The following RBBP4 variants were observed in gnomAD, a reference collection of about 807,000 sequenced individuals.
RBBP4 encodes the protein histone-binding protein RBBP4.
RBBP4 carries 3 observed loss-of-function variants against 57.2 expected under a neutral mutation model. That is an observed-to-expected ratio of 0.05 (90% CI 0.02 to 0.14). RBBP4 has a LOEUF of 0.14. Ranked by LOEUF, RBBP4 falls within the 10% of genes least tolerant of loss-of-function variation. The pLI is 1.00. For synonymous variants in RBBP4, 151 were observed against 171.5 expected, an observed-to-expected ratio of 0.88 and a Z score of 0.93; for missense variants, 107 against 520.6, an observed-to-expected ratio of 0.21 and a Z score of 7.73.
intron 11 of RBBP4, among the ~76,000 whole-genome samples, chr1:32,678,829 A>G (rs1649244080): frequency 6.7e-6 from 1 of 150,354 alleles, no homozygotes; most frequent in Non-Finnish European, 1.5e-5. Flanking sequence ...ACCTCAAGTG[A>G]TCTGTCTGCC....
chr1:32,668,022 A>T (rs372641325), intron 3 of RBBP4, among the ~76,000 whole-genome samples: 1 of 152,148 alleles, frequency 6.6e-6, no homozygotes, highest in East Asian at 1.9e-4. Flanking sequence ...TGGAGAGCTG[A>T]CTGTATTTCT....
chr1:32,667,769 GAA>G (rs1377828849), intron 3 of RBBP4, among the ~76,000 whole-genome samples: 1 of 152,184 alleles, frequency 6.6e-6, no homozygotes, highest in African/African-American at 2.4e-5. Flanking sequence ...CACAGATGCT[GAA>G]GTCTCTGATA....
At chr1:32,656,416 C>T (rs146129745) in intron 2 of RBBP4, among the ~76,000 whole-genome samples, 10,923 of 152,002 alleles carry the variant, frequency 0.072, 1,292 homozygotes, top group African/African-American at 0.25. Context: ...GCAGTGGCAC[C>T]GTCTTGGCTC....
chr1:32,657,237 C>T (rs1648183845), intron 2 of RBBP4, among the ~76,000 whole-genome samples, 190 bp from the exon 3 acceptor site: 1 of 152,140 alleles, frequency 6.6e-6, no homozygotes, highest in Non-Finnish European at 1.5e-5. Flanking sequence ...GATCGCACCA[C>T]TCCATTCTAG....
intron 2 of RBBP4, 78 bp from the exon 3 acceptor site, chr1:32,657,349 T>G: frequency 7.2e-7 from 1 of 1,393,670 alleles, no homozygotes; most frequent in Non-Finnish European, 9.9e-7. Context: ...TTAGTGACTT[T>G]GACATACATG....
In RBBP4 at chr1:32,657,038, G is replaced by A. The variant is rs1648174011; in HGVS notation, c.165-389G>A. ...TGCCTGTAATCTCTGCACGTTGGGA[G>A]GCTGAGGTGGGTGGATAATTTGAGG... On this transcript the variant is annotated intron_variant, in intron 2 of 11. Transcript: ENST00000373493. Among the ~76,000 whole-genome samples, 6 of 152,150 alleles carry A rather than the reference G, an allele frequency of 3.9e-5. No individual in the cohort carries two copies. In the South Asian group the frequency reaches 1.2e-3, roughly 32 times the overall value.
At chr1:32,659,182 ATG>A (rs1187199891) in intron 3 of RBBP4, among the ~76,000 whole-genome samples, 1 of 149,780 alleles carries the variant, frequency 6.7e-6, no homozygotes, top group African/African-American at 2.4e-5. Context: ...CACAATATAA[ATG>A]TATACACACA....
In RBBP4 at chr1:32,675,918, G is replaced by A. The variant is rs573101971; in HGVS notation, c.1212+3017G>A. Among the ~76,000 whole-genome samples, 9 of 151,470 alleles carry A rather than the reference G, an allele frequency of 5.9e-5. No individual in the cohort carries two copies. In the East Asian group the frequency reaches 1.6e-3, roughly 27 times the overall value. On this transcript the variant is annotated intron_variant, in intron 11 of 11. Transcript: ENST00000373493. ...CTAGCCTGGGCAATAAAGTGAGACCGTGTCTCTACCAAAAAAAAATTAGCC... is the reference window on the plus strand; with the variant it reads ...CTAGCCTGGGCAATAAAGTGAGACCATGTCTCTACCAAAAAAAAATTAGCC...
chr1:32,679,577 G>T (rs1649289472), intron 11 of RBBP4, 63 bp from the exon 12 acceptor site: 1 of 1,456,688 alleles, frequency 6.9e-7, no homozygotes, highest in Non-Finnish European at 9.2e-7. Context: ...CTAATCTGTT[G>T]TTGAAACCTT....
At chr1:32,678,942 T>G (rs1052460756) in intron 11 of RBBP4, among the ~76,000 whole-genome samples, 1 of 152,164 alleles carries the variant, frequency 6.6e-6, no homozygotes, top group Non-Finnish European at 1.5e-5. Flanking sequence ...GGATATACCG[T>G]GTATCCATTT....
chr1:32,663,698 T>A (rs535460964), intron 3 of RBBP4, among the ~76,000 whole-genome samples: 1 of 151,952 alleles, frequency 6.6e-6, no homozygotes, highest in South Asian at 2.1e-4. Flanking sequence ...TGCCTCAGGC[T>A]CCCGAGTAGC....
At position 32,651,264 on chromosome 1, in the gene RBBP4, C is replaced by G; in HGVS notation, c.-43C>G. 1 of 1,507,692 alleles carries G rather than the reference C, an allele frequency of 6.6e-7. No homozygotes were observed. The highest frequency in any genetic ancestry group is 1.2e-5 in the South Asian group (1 of 81,152). 93.4% of individuals were successfully genotyped at this position (1,507,692 alleles called of 1,614,324 possible). A position where few individuals can be genotyped will look rare whatever the true frequency, so the allele number is the denominator to read the frequency against. On this transcript the variant is annotated 5_prime_UTR_variant, in exon 1 of 12. Coordinates refer to ENST00000373493, the MANE Select transcript of RBBP4 (RefSeq NM_005610.3). ...GCTCTTGCAGCCTCCCCGCCCCTCC[C>G]GCAACGCTCGACCCCAGGATTCCCC...
Position 32,651,312 on chromosome 1 carries a change from C to T in RBBP4, c.6C>T (p.Ala2=). Residue 2 remains alanine (A), a synonymous_variant, in exon 1 of 12, where the codon GCC becomes GCT. Coordinates refer to ENST00000373493, the MANE Select transcript of RBBP4 (RefSeq NM_005610.3). M[A]DKEAAFDDAV... ...CCCCGGCTCGCCTGCCCGCCATGGC[C>T]GACAAGGAAGGTGAGGGTGCCGGGG... 2.0e-6 allele frequency: 3 copies of T among 1,470,468 alleles called. No individual in the cohort carries two copies. The highest frequency in any genetic ancestry group is 3.0e-5 in the African/African-American group (2 of 67,636). The allele number at this position is 1,470,468 out of a possible 1,614,324, so 91.1% of individuals were successfully genotyped here.
rs1345705286 is a variant in RBBP4 at position 32,672,369 on chromosome 1, T to G, written c.967-81T>G. 12 of 1,138,786 alleles carry G rather than the reference T, an allele frequency of 1.1e-5. No homozygotes were observed. The East Asian group carries it at 1.3e-4, about 12-fold the overall frequency. The allele number at this position is 1,138,786 out of a possible 1,614,324, so 70.5% of individuals were successfully genotyped here. ...TCTTCCCTTTTATTTACAAAATTTTTAAATTGTTAAATATTTTGTGAATTT... is the reference window on the plus strand; with the variant it reads ...TCTTCCCTTTTATTTACAAAATTTTGAAATTGTTAAATATTTTGTGAATTT... On this transcript the variant is annotated intron_variant, in intron 8 of 11. Transcript: ENST00000373493.
At chr1:32,657,325 A>G in intron 2 of RBBP4, 102 bp from the exon 3 acceptor site, 1 of 1,189,634 alleles carries the variant, frequency 8.4e-7, no homozygotes, top group East Asian at 2.4e-5. Context: ...CCCCTCTCTT[A>G]AAACCTGGTT....
In RBBP4 at chr1:32,684,348, T is replaced by C. The variant is rs143540503; in HGVS notation, c.*4643T>C. ...CTGGAGTTGCACCCCATTTCTTAACTGCCTCTGGCGTTCTTCCATTTCCTC... is the reference window on the plus strand; with the variant it reads ...CTGGAGTTGCACCCCATTTCTTAACCGCCTCTGGCGTTCTTCCATTTCCTC... On this transcript the variant is annotated 3_prime_UTR_variant, in exon 12 of 12. Transcript: ENST00000373493. The C allele has an allele frequency of 2.0e-5, 33 of 1,614,102 alleles. No individual in the cohort carries two copies. The African/African-American group carries it at 2.1e-4, about 10-fold the overall frequency.
At chr1:32,675,748 G>A (rs1649073598) in intron 11 of RBBP4, among the ~76,000 whole-genome samples, 1 of 151,996 alleles carries the variant, frequency 6.6e-6, no homozygotes, top group Non-Finnish European at 1.5e-5. Flanking sequence ...TAGCCTGGGT[G>A]ACAGGGCGAG....
At position 32,682,150 on chromosome 1, in the gene RBBP4, C is replaced by T; in HGVS notation, c.*2445C>T. The T allele has an allele frequency of 2.5e-6, 1 of 402,308 alleles. No individual in the cohort carries two copies. The highest frequency in any genetic ancestry group is 4.6e-6 in the Non-Finnish European group (1 of 219,340). 24.9% of individuals were successfully genotyped at this position (402,308 alleles called of 1,614,324 possible). On this transcript the variant is annotated 3_prime_UTR_variant, in exon 12 of 12. Coordinates refer to ENST00000373493, the MANE Select transcript of RBBP4 (RefSeq NM_005610.3). Reference sequence around the variant, plus strand: ...TAGTCGTTGTCTTTTCCAGATTGTACACAATCTGATCAACACAAAGGTAGT... The same window carrying T: ...TAGTCGTTGTCTTTTCCAGATTGTATACAATCTGATCAACACAAAGGTAGT...
intron 8 of RBBP4, among the ~76,000 whole-genome samples, chr1:32,671,147 G>A (rs1193022979): frequency 2.0e-5 from 3 of 152,108 alleles, no homozygotes; most frequent in African/African-American, 7.2e-5. Flanking sequence ...ATTGCATGGA[G>A]TCATTTTTAA....
Sources: allele counts gnomAD v4.1 joint callset (sites outside exome capture counted in the v4.1 genomes callset), GRCh38; gene constraint gnomAD v4.1.1; transcripts MANE v1.5; gene names NCBI Gene and HGNC (gene_info 2026-07-23, HGNC 2026-07-21).